The following KIF1A variants were observed in gnomAD, a reference collection of about 807,000 sequenced individuals.
The protein encoded by KIF1A is kinesin family member 1A, also known as kinesin-like protein KIF1A.
Under a neutral mutation model 227.3 loss-of-function variants are expected in KIF1A, and 46 were observed. That is an observed-to-expected ratio of 0.20 (90% CI 0.16 to 0.26). The LOEUF (loss-of-function observed/expected upper bound fraction) is 0.26. Among genes scored for constraint, KIF1A ranks in the 10% least tolerant of loss-of-function variants. KIF1A has a pLI of 1.00. For synonymous variants in KIF1A, 1,022 were observed against 1,012.8 expected, an observed-to-expected ratio of 1.01 and a Z score of -0.17; for missense variants, 1,683 against 2,485.9, an observed-to-expected ratio of 0.68 and a Z score of 6.87.
At chr2:240,776,360 C>A (rs936077572) in intron 10 of KIF1A, among the ~76,000 whole-genome samples, 1 of 152,230 alleles carries the variant, frequency 6.6e-6, no homozygotes, top group Admixed American at 6.5e-5. Flanking sequence ...GCCCTCCAGG[C>A]CCCTATGGCC....
rs765482475 is a variant in KIF1A, at chr2:240,761,247, G to A, written c.2247C>T (p.Ser749=). ...AIFLKEANAI[S]VELKKKVQFQ... ...AGCCCACCTTCTTTTTCAGCTCCACGCTGATGGCATTGGCCTCCTTGAGGA... is the reference window on the plus strand; with the variant it reads ...AGCCCACCTTCTTTTTCAGCTCCACACTGATGGCATTGGCCTCCTTGAGGA... The change falls in exon 24 of 49, where the codon AGC becomes AGT. Residue 749 remains serine, a synonymous_variant. Transcript: ENST00000498729. 5.6e-6 allele frequency: 9 copies of A among 1,613,158 alleles called. No homozygotes were observed. Among genetic ancestry groups the A allele is most frequent in the African/African-American group, 1.3e-5 (1 of 74,912 alleles).
chr2:240,758,275 T>C lies in KIF1A; in HGVS notation c.2582+85A>G. The C allele has an allele frequency of 6.9e-6, 10 of 1,454,304 alleles. No homozygotes were observed. Among genetic ancestry groups the C allele is most frequent in the Non-Finnish European group, 9.2e-6 (10 of 1,081,368 alleles). 90.1% of individuals were successfully genotyped at this position (1,454,304 alleles called of 1,614,324 possible). ...AAGCACTTGTCAGGGCCGCTCCTTG[T>C]ATCAGGCCAGGGCCCACTCCTACCC... On this transcript the variant is annotated intron_variant, in intron 26 of 48. Coordinates refer to ENST00000498729, the MANE Select transcript of KIF1A (RefSeq NM_001244008.2). The surrounding 1 kb of genome is among the most constrained non-coding windows in gnomAD (Gnocchi z 5.2).
intron 27 of KIF1A, among the ~76,000 whole-genome samples, chr2:240,754,665 C>G (rs116530208): frequency 0.029 from 4,369 of 152,294 alleles, 216 homozygotes; most frequent in African/African-American, 0.099. Flanking sequence ...CACCTGCCCT[C>G]TAGGTGCCAG....
chr2:240,754,721 TC>T (rs1332658418), intron 27 of KIF1A, among the ~76,000 whole-genome samples: 1 of 151,618 alleles, frequency 6.6e-6, no homozygotes, highest in African/African-American at 2.4e-5. Flanking sequence ...CCCAGGCCTG[TC>T]CCTACCAGCC....
At position 240,746,309 on chromosome 2, in the gene KIF1A, C is replaced by T. The variant is rs1180401266; in HGVS notation, c.3064-132G>A. The T allele has an allele frequency of 1.0e-5, 11 of 1,068,822 alleles. No homozygotes were observed. The East Asian group carries it at 2.1e-4, about 20-fold the overall frequency. The allele number at this position is 1,068,822 out of a possible 1,614,324, so 66.2% of individuals were successfully genotyped here. On this transcript the variant is annotated intron_variant, in intron 29 of 48. Coordinates refer to ENST00000498729, the MANE Select transcript of KIF1A (RefSeq NM_001244008.2). Reference sequence around the variant, plus strand: ...GCTGGGGCCTCCATGAACCCACGCACCAGACCTGTGCCTGCCTTGTAGGGG... The same window carrying T: ...GCTGGGGCCTCCATGAACCCACGCATCAGACCTGTGCCTGCCTTGTAGGGG...
intron 28 of KIF1A, among the ~76,000 whole-genome samples, chr2:240,747,897 C>T (rs1185151573): frequency 3.9e-5 from 6 of 152,244 alleles, no homozygotes; most frequent in South Asian, 2.1e-4. Flanking sequence ...TGACAGTCAG[C>T]GCCTGCTCAT....
At chr2:240,720,698 AAC>A (rs1238921110) in intron 45 of KIF1A, 476 of 439,326 alleles carry the variant, frequency 1.1e-3, no homozygotes, top group South Asian at 1.8e-3. Flanking sequence ...CAGGGAAGAG[AAC>A]ACACACACAC....
At chr2:240,751,111 C>T (rs1289293580) in intron 27 of KIF1A, among the ~76,000 whole-genome samples, 1 of 152,180 alleles carries the variant, frequency 6.6e-6, no homozygotes, top group African/African-American at 2.4e-5. Flanking sequence ...AGGACACCCC[C>T]AGGGCCACGG....
chr2:240,742,826 C>G, intron 34 of KIF1A, 103 bp downstream of exon 34: 1 of 1,081,826 alleles, frequency 9.2e-7, no homozygotes, highest in Non-Finnish European at 1.4e-6. Context: ...GAGGGCACAG[C>G]CCAGTCACAG....
At position 240,763,419 on chromosome 2, in the gene KIF1A, C is replaced by T. The variant is rs1015688638; in HGVS notation, c.1769-73G>A. 90 of 1,419,608 alleles carry T rather than the reference C, an allele frequency of 6.3e-5. No individual in the cohort carries two copies. In the Middle Eastern group the frequency reaches 1.2e-3, roughly 20 times the overall value. 87.9% of individuals were successfully genotyped at this position (1,419,608 alleles called of 1,614,324 possible). A position where few individuals can be genotyped will look rare whatever the true frequency, so the allele number is the denominator to read the frequency against. On this transcript the variant is annotated intron_variant, in intron 20 of 48. Transcript: ENST00000498729. ...TCCCTGATGGTCTCAAGCGGGGAGG[C>T]GTGAGGAGAAAGGGGAACGGGTGCA... is the stretch of plus-strand genomic sequence containing the variant.
At chr2:240,747,815 A>T (rs1300318951) in intron 28 of KIF1A, among the ~76,000 whole-genome samples, 1 of 152,062 alleles carries the variant, frequency 6.6e-6, no homozygotes, top group African/African-American at 2.4e-5. Flanking sequence ...GCATGCGCCC[A>T]CACTCCCCAG....
At position 240,747,290 on chromosome 2, in the gene KIF1A, G is replaced by A. The variant is rs191727100; in HGVS notation, c.3009C>T (p.Gly1003=). The change falls in exon 29 of 49, where the codon GGC becomes GGT. Residue 1003 remains glycine, a synonymous_variant. Coordinates refer to ENST00000498729, the MANE Select transcript of KIF1A (RefSeq NM_001244008.2). ...TTTTAGCAGTTCCCGACTGGCGGAC[G>A]CCAGAGCCATAATCAGGGGCCTCTT... The part of the protein sequence containing the change: ...ADEEAPDYGS[G]VRQSGTAKIS... 1.2e-5 allele frequency: 19 copies of A among 1,613,376 alleles called. No homozygotes were observed. In the Admixed American group the frequency reaches 1.7e-4, roughly 14 times the overall value.
At chr2:240,779,089 G>C (rs991463977) in intron 10 of KIF1A, among the ~76,000 whole-genome samples, 1 of 148,560 alleles carries the variant, frequency 6.7e-6, no homozygotes, top group Non-Finnish European at 1.5e-5. Flanking sequence ...TCCACACTCA[G>C]TTCCTCACTC....
At chr2:240,753,317 A>T (rs1369607715) in intron 27 of KIF1A, among the ~76,000 whole-genome samples, 4 of 152,218 alleles carry the variant, frequency 2.6e-5, no homozygotes, top group Admixed American at 6.5e-5. Flanking sequence ...GGCCCATCCC[A>T]GGTCACATTG....
At chr2:240,747,165 G>A (rs1055463671) in intron 29 of KIF1A, 71 bp downstream of exon 29, 36 of 1,147,498 alleles carry the variant, frequency 3.1e-5, no homozygotes, top group Admixed American at 3.0e-4. Flanking sequence ...GGTGTTAGAG[G>A]AGCAAAGTGC....
At chr2:240,729,596 C>A (rs1025496216) in intron 38 of KIF1A, among the ~76,000 whole-genome samples, 26 of 152,226 alleles carry the variant, frequency 1.7e-4, no homozygotes, top group African/African-American at 6.3e-4. Flanking sequence ...GTGGACTCTG[C>A]TGGAGCCAGG....
chr2:240,778,488 C>A lies in KIF1A; in HGVS notation c.883-2562G>T, dbSNP rs377761554. 7.3e-6 allele frequency among the ~76,000 whole-genome samples: 1 copy of A among 137,728 alleles called. No homozygotes were observed. Among genetic ancestry groups the A allele is most frequent in the African/African-American group, 2.9e-5 (1 of 34,166 alleles). 90.4% of individuals were successfully genotyped at this position (137,728 alleles called of 152,430 possible). A position where few individuals can be genotyped will look rare whatever the true frequency, so the allele number is the denominator to read the frequency against. ...TCCATTTCTCAGAGCTCTCAGCAGG[C>A]GCTCGCAGCTCCCGCACAGCGTTAC... On this transcript the variant is annotated intron_variant, in intron 10 of 48. Transcript: ENST00000498729. This position sits in a 1 kb window ranked among gnomAD's most constrained non-coding sequence, Gnocchi z 7.2.
At position 240,760,724 on chromosome 2, in the gene KIF1A, G is replaced by T; in HGVS notation, c.2385C>A (p.Ala795=). 6.3e-7 allele frequency: 1 copy of T among 1,588,226 alleles called. No homozygotes were observed. The highest frequency in any genetic ancestry group is 8.6e-7 in the Non-Finnish European group (1 of 1,166,670). The part of the protein sequence containing the change: ...ETRPFPRTIV[A]VEVQDQKNGA... ...CGTTCTTCTGGTCCTGGACCTCCAC[G>T]GCCACAATGGTGCGGGGGAAGGGCC... Residue 795 remains alanine, a synonymous_variant, in exon 25 of 49, where the codon GCC becomes GCA. Transcript: ENST00000498729.
At chr2:240,812,954 C>CGG (rs2058035972) in intron 1 of KIF1A, among the ~76,000 whole-genome samples, 3 of 141,678 alleles carry the variant, frequency 2.1e-5, no homozygotes, top group African/African-American at 8.0e-5. Flanking sequence ...GCCTTCACCT[C>CGG]AAGGATCCAC....
Sources: allele counts gnomAD v4.1 joint callset (sites outside exome capture counted in the v4.1 genomes callset), GRCh38; gene constraint gnomAD v4.1.1; non-coding constraint Gnocchi (gnomAD v3.1); transcripts MANE v1.5; gene names NCBI Gene and HGNC (gene_info 2026-07-23, HGNC 2026-07-21).